The following ATP9B variants were observed in gnomAD, a reference collection of about 807,000 sequenced individuals.
ATP9B encodes the protein probable phospholipid-transporting ATPase IIB.
A neutral mutation model predicts 146.1 loss-of-function variants in ATP9B; 110 were observed. That is an observed-to-expected ratio of 0.75 (90% CI 0.65 to 0.88). ATP9B has a LOEUF of 0.88. Ranked by LOEUF, ATP9B falls within the 40% of genes least tolerant of loss-of-function variation. The probability of loss-of-function intolerance (pLI) is 0.00; values close to 1 mark genes in which losing one functional copy is unlikely to be tolerated. For missense variants in ATP9B, 1,499 were observed against 1,496.4 expected (o/e 1.00, Z -0.03); for synonymous variants, 604 against 569.7 (o/e 1.06, Z -0.86).
At chr18:79,102,701 A>G (rs73971376) in intron 2 of ATP9B, among the ~76,000 whole-genome samples, 3,163 of 152,108 alleles carry the variant, frequency 0.021, 104 homozygotes, top group African/African-American at 0.071. Context: ...CTTGTGTTGA[A>G]CCTATATATT....
intron 8 of ATP9B, among the ~76,000 whole-genome samples, chr18:79,183,716 A>C (rs2095275333): frequency 6.6e-6 from 1 of 151,526 alleles, no homozygotes; most frequent in African/African-American, 2.4e-5. Context: ...ATTAGTTTTA[A>C]AATAATTCCT....
At chr18:79,163,742 A>G (rs1208698898) in intron 7 of ATP9B, among the ~76,000 whole-genome samples, 3 of 152,052 alleles carry the variant, frequency 2.0e-5, no homozygotes, top group African/African-American at 7.2e-5. Flanking sequence ...GTGTGTGTAT[A>G]TATATATGCG....
At chr18:79,113,126 T>C (rs1369491914) in intron 3 of ATP9B, 115 bp from the exon 4 acceptor site, 3 of 592,678 alleles carry the variant, frequency 5.1e-6, no homozygotes, top group Non-Finnish European at 5.9e-6. Context: ...TCACAACATA[T>C]TCTCACTGTT....
In ATP9B at chr18:79,209,049, G is replaced by C. The variant is rs144178644; in HGVS notation, c.1030+2037G>C. Among the ~76,000 whole-genome samples the C allele has an allele frequency of 2.4e-3, 364 of 152,308 alleles. 2 individuals are homozygous for C. Among genetic ancestry groups the C allele is most frequent in the South Asian group, 6.4e-3 (31 of 4,824 alleles). On this transcript the variant is annotated intron_variant, in intron 10 of 29. Transcript: ENST00000426216. ...TGAGTGTTGCCAGCCTCTCCGCCAG[G>C]TGGTGAGTGTGGTCAGTGCTGGCCT...
intron 3 of ATP9B, among the ~76,000 whole-genome samples, chr18:79,111,490 AAGAC>A (rs1386259678): frequency 1.3e-5 from 2 of 152,268 alleles, no homozygotes; most frequent in African/African-American, 4.8e-5. Flanking sequence ...TCATAATTAA[AAGAC>A]AGACCTTTTG....
intron 1 of ATP9B, among the ~76,000 whole-genome samples, chr18:79,071,151 TG>T (rs1178801199): frequency 6.6e-6 from 1 of 151,102 alleles, no homozygotes; most frequent in Non-Finnish European, 1.5e-5. Context: ...TTACAGTGCT[TG>T]CTCTGGGTAT....
chr18:79,196,389 G>A (rs933593926), intron 9 of ATP9B, among the ~76,000 whole-genome samples: 3 of 152,218 alleles, frequency 2.0e-5, no homozygotes, highest in Admixed American at 1.3e-4. Context: ...AAACAGTGGA[G>A]GGAGGATGGG....
chr18:79,357,351 C>T (rs375509928), intron 25 of ATP9B, among the ~76,000 whole-genome samples: 5 of 15,338 alleles, frequency 3.3e-4, no homozygotes, highest in Non-Finnish European at 2.2e-4. Flanking sequence ...GTGAGGGGTG[C>T]CCTGGGTCTG....
chr18:79,110,358 C>G lies in ATP9B; in HGVS notation c.297C>G (p.Cys99Trp), dbSNP rs759575257. 2 of 1,592,098 alleles carry G rather than the reference C, an allele frequency of 1.3e-6. No homozygotes were observed. ...ACGTATCTTTTGTTTCATACAGTTGCTGTGGTTGGCTGATAAATATTTGTC... is the reference window on the plus strand; with the variant it reads ...ACGTATCTTTTGTTTCATACAGTTGGTGTGGTTGGCTGATAAATATTTGTC... ...CDGWKFLCTS[C>W]CGWLINICRR... The change falls in exon 3 of 30, where the codon TGC (cysteine) becomes TGG (tryptophan). Residue 99 changes from cysteine (C) to tryptophan (W), a missense_variant. Physicochemically the swap from Cys to Trp is radical, Grantham distance 215 (BLOSUM62 -2). Coordinates refer to ENST00000426216, the MANE Select transcript of ATP9B (RefSeq NM_198531.5).
At chr18:79,307,297 A>T (rs1231779587) in intron 15 of ATP9B, 63 bp downstream of exon 15, 31 of 1,600,418 alleles carry the variant, frequency 1.9e-5, no homozygotes, top group Non-Finnish European at 2.6e-5. Context: ...AGTCATGAGG[A>T]TTCATTCTTT....
intron 26 of ATP9B, among the ~76,000 whole-genome samples, chr18:79,370,261 A>G (rs1404921995): frequency 6.6e-6 from 1 of 152,182 alleles, no homozygotes; most frequent in Non-Finnish European, 1.5e-5. Context: ...ATTTTATTTC[A>G]TGGCTCATTT....
chr18:79,375,465 TTAGC>T (rs1328604547), intron 29 of ATP9B, 39 bp downstream of exon 29: 1 of 1,599,214 alleles, frequency 6.3e-7, no homozygotes, highest in Non-Finnish European at 8.6e-7. Context: ...GTGTAGAAAT[TTAGC>T]CAAACAATAT....
intron 12 of ATP9B, among the ~76,000 whole-genome samples, chr18:79,261,240 C>T (rs996885407): frequency 6.6e-6 from 1 of 152,096 alleles, no homozygotes; most frequent in Admixed American, 6.5e-5. Flanking sequence ...GGGTGGACTC[C>T]CATGCATGCC....
At chr18:79,242,326 T>C (rs1484081805) in intron 11 of ATP9B, among the ~76,000 whole-genome samples, 2 of 152,200 alleles carry the variant, frequency 1.3e-5, no homozygotes, top group Non-Finnish European at 2.9e-5. Flanking sequence ...ACTTGTAATT[T>C]AGAGAACAAG....
At chr18:79,236,420 G>A (rs2095841649) in intron 11 of ATP9B, among the ~76,000 whole-genome samples, 1 of 151,622 alleles carries the variant, frequency 6.6e-6, no homozygotes, top group Non-Finnish European at 1.5e-5. Flanking sequence ...TTCTCACTTT[G>A]TTCATAGTGT....
At chr18:79,367,531 C>G (rs1475855593) in intron 26 of ATP9B, among the ~76,000 whole-genome samples, 2 of 151,040 alleles carry the variant, frequency 1.3e-5, no homozygotes, top group Non-Finnish European at 2.9e-5. Context: ...CCAGAGAGCA[C>G]ACAGATATCT....
chr18:79,332,378 A>G (rs372302868), intron 17 of ATP9B, among the ~76,000 whole-genome samples: 23 of 152,336 alleles, frequency 1.5e-4, no homozygotes, highest in South Asian at 4.1e-4. Context: ...GCAGTGAGCC[A>G]AGATCGCGAC....
chr18:79,368,214 G>A (rs775705604), intron 26 of ATP9B, among the ~76,000 whole-genome samples: 16 of 152,252 alleles, frequency 1.1e-4, no homozygotes, highest in Admixed American at 5.2e-4. Flanking sequence ...CGGAGTCAGA[G>A]CCAAGAAAGT....
At chr18:79,139,002 A>G (rs1429978489) in intron 5 of ATP9B, among the ~76,000 whole-genome samples, 2 of 152,226 alleles carry the variant, frequency 1.3e-5, no homozygotes, top group African/African-American at 4.8e-5. Context: ...AGGGAGATCG[A>G]GGCCACAGTG....
Sources: allele counts gnomAD v4.1 joint callset (sites outside exome capture counted in the v4.1 genomes callset), GRCh38; gene constraint gnomAD v4.1.1; transcripts MANE v1.5; gene names NCBI Gene and HGNC (gene_info 2026-07-23, HGNC 2026-07-21).